TMEM200A: variants seen among roughly 807,000 people sequenced by gnomAD.
TMEM200A encodes two transmembrane C.
A neutral mutation model predicts 24.3 loss-of-function variants in TMEM200A; 12 were observed. That is an observed-to-expected ratio of 0.49 (90% CI 0.32 to 0.80). TMEM200A has a LOEUF of 0.80. Among genes scored for constraint, TMEM200A ranks in the 30% least tolerant of loss-of-function variants. The pLI, the probability that TMEM200A is intolerant of heterozygous loss-of-function variation, is 0.04. For missense variants in TMEM200A, 545 were observed against 614.4 expected, an observed-to-expected ratio of 0.89 and a Z score of 1.19; for synonymous variants, 224 against 224.4, an observed-to-expected ratio of 1.00 and a Z score of 0.02.
intron 1 of TMEM200A, among the ~76,000 whole-genome samples, chr6:130,374,486 G>T (rs1023165966): frequency 6.6e-6 from 1 of 151,586 alleles, no homozygotes; most frequent in Non-Finnish European, 1.5e-5. Context: ...CATGATCTGA[G>T]CTCACTGCAA....
chr6:130,422,860 G>A (rs1180582886), intron 2 of TMEM200A, among the ~76,000 whole-genome samples: 1 of 152,104 alleles, frequency 6.6e-6, no homozygotes, highest in East Asian at 1.9e-4. Context: ...CTGGTATCTT[G>A]CTAGTTAGCC....
intron 2 of TMEM200A, chr6:130,421,043 C>G (rs1174471715): frequency 6.6e-6 from 1 of 152,154 alleles, no homozygotes; most frequent in Non-Finnish European, 1.5e-5. Flanking sequence ...TAGAAAGTCC[C>G]CTCCCCTTCT....
intron 2 of TMEM200A, among the ~76,000 whole-genome samples, chr6:130,416,550 G>A (rs911747343): frequency 2.0e-5 from 3 of 152,070 alleles, no homozygotes; most frequent in African/African-American, 7.2e-5. Context: ...CCCACACCCA[G>A]TGTCAAGGTC....
intron 2 of TMEM200A, among the ~76,000 whole-genome samples, chr6:130,398,829 A>G (rs1260534989): frequency 6.6e-6 from 1 of 151,920 alleles, no homozygotes; most frequent in African/African-American, 2.4e-5. Context: ...TAATATTTTT[A>G]TAGTAAATTC....
At chr6:130,391,235 G>A (rs1562555001) in intron 2 of TMEM200A, among the ~76,000 whole-genome samples, 1 of 152,186 alleles carries the variant, frequency 6.6e-6, no homozygotes, top group East Asian at 1.9e-4. Context: ...AATACTTAAA[G>A]AAGTTATCAG....
intron 2 of TMEM200A, among the ~76,000 whole-genome samples, chr6:130,414,419 A>G (rs1779401167): frequency 1.4e-5 from 2 of 144,342 alleles, no homozygotes; most frequent in African/African-American, 5.5e-5. Context: ...GTGACAGAGC[A>G]AGACTCCATC....
At chr6:130,427,039 A>G (rs4895884) in intron 2 of TMEM200A, among the ~76,000 whole-genome samples, 26,619 of 152,094 alleles carry the variant, frequency 0.18, 2,493 homozygotes, top group East Asian at 0.35. Flanking sequence ...AGTTGCTCCA[A>G]TCCTGCATTT....
intron 2 of TMEM200A, among the ~76,000 whole-genome samples, chr6:130,402,053 A>G (rs1779101775): frequency 6.7e-6 from 1 of 150,228 alleles, no homozygotes; most frequent in South Asian, 2.1e-4. Flanking sequence ...AAAATTTTGT[A>G]TCTTCATAGC....
intron 2 of TMEM200A, chr6:130,421,498 TCA>T (rs974944988): frequency 1.6e-4 from 22 of 139,518 alleles, no homozygotes; most frequent in South Asian, 2.3e-4. Context: ...ATCCATTCCT[TCA>T]CAGTTACCTT....
chr6:130,373,578 T>C (rs931729940), intron 1 of TMEM200A, among the ~76,000 whole-genome samples: 1 of 152,220 alleles, frequency 6.6e-6, no homozygotes, highest in Non-Finnish European at 1.5e-5. Context: ...ACTATTCCCT[T>C]AAAATTGAAC....
chr6:130,421,728 ACT>A (rs1196578554), intron 2 of TMEM200A, among the ~76,000 whole-genome samples: 1 of 151,534 alleles, frequency 6.6e-6, no homozygotes. Flanking sequence ...CCACCATTCT[ACT>A]CTCTGCTTCT....
At chr6:130,417,825 T>C (rs1317236162) in intron 2 of TMEM200A, among the ~76,000 whole-genome samples, 1 of 152,174 alleles carries the variant, frequency 6.6e-6, no homozygotes, top group South Asian at 2.1e-4. Context: ...CTTGTCCTGG[T>C]TGATATTCAT....
intron 1 of TMEM200A, among the ~76,000 whole-genome samples, chr6:130,379,258 T>C (rs1438678756): frequency 2.0e-5 from 3 of 151,676 alleles, no homozygotes; most frequent in Non-Finnish European, 4.4e-5. Flanking sequence ...TGTGTTAAAT[T>C]GGAAAAAATT....
intron 2 of TMEM200A, among the ~76,000 whole-genome samples, chr6:130,422,846 A>ACC (rs1779633388): frequency 1.3e-5 from 2 of 152,168 alleles, no homozygotes; most frequent in African/African-American, 4.8e-5. Flanking sequence ...TTCTTATTAT[A>ACC]TTTCTGGTAT....
At chr6:130,402,003 C>T (rs941744680) in intron 2 of TMEM200A, among the ~76,000 whole-genome samples, 6 of 151,366 alleles carry the variant, frequency 4.0e-5, no homozygotes, top group African/African-American at 1.5e-4. Flanking sequence ...GCTGTTTGTG[C>T]CCTAATGTTG....
intron 2 of TMEM200A, among the ~76,000 whole-genome samples, chr6:130,411,829 G>A (rs1583208481): frequency 6.6e-6 from 1 of 152,142 alleles, no homozygotes; most frequent in South Asian, 2.1e-4. Flanking sequence ...GATTAGGCAT[G>A]CCTGCCACTG....
Position 130,441,364 on chromosome 6 carries a change from C to T in TMEM200A, c.942C>T (p.Asn314=). 1.2e-6 allele frequency: 2 copies of T among 1,614,070 alleles called. No individual in the cohort carries two copies. The highest frequency in any genetic ancestry group is 8.5e-7 in the Non-Finnish European group (1 of 1,180,002). The part of the protein sequence containing the change: ...SIDNITEDAD[N]LKSRSRNLSM... ...ATAACATCACTGAAGATGCTGACAA[C>T]CTCAAAAGTAGGTCAAGGAATTTGT... The change falls in exon 3 of 3, where the codon AAC becomes AAT. Residue 314 remains asparagine (N), a synonymous_variant. Coordinates refer to ENST00000296978, the MANE Select transcript of TMEM200A (RefSeq NM_001258277.2).
At position 130,366,425 on chromosome 6, in the gene TMEM200A, G is replaced by T. The variant is rs1778147847; in HGVS notation, c.-180G>T. ...CCCGACCCTGCCGCCTTCTTCGTCCGCCTCCAGAGGCGCCCGACGTCCCGA... is the reference window on the plus strand; with the variant it reads ...CCCGACCCTGCCGCCTTCTTCGTCCTCCTCCAGAGGCGCCCGACGTCCCGA... On this transcript the variant is annotated 5_prime_UTR_variant, in exon 1 of 3. Transcript: ENST00000296978. The surrounding 1 kb of genome is among the most constrained non-coding windows in gnomAD (Gnocchi z 4.4). 1 of 985,510 alleles carries T rather than the reference G, an allele frequency of 1.0e-6. No homozygotes were observed. The highest frequency in any genetic ancestry group is 1.2e-6 in the Non-Finnish European group (1 of 830,022). 61.0% of individuals were successfully genotyped at this position (985,510 alleles called of 1,614,324 possible).
rs1778136237 is a variant in TMEM200A, at chr6:130,366,131, G to A, written c.-474G>A. On this transcript the variant is annotated 5_prime_UTR_variant, in exon 1 of 3. Transcript: ENST00000296978. The surrounding 1 kb of genome is among the most constrained non-coding windows in gnomAD (Gnocchi z 4.4). ...CTCCCTCTCCCCTGCCCGGCTTGCT[G>A]CGCCCGGTGCCCTCCGAGGGCAGGC... is the stretch of plus-strand genomic sequence containing the variant. 1.0e-6 allele frequency: 1 copy of A among 985,268 alleles called. No homozygotes were observed. Among genetic ancestry groups the A allele is most frequent in the Admixed American group, 6.1e-5 (1 of 16,272 alleles). The allele number at this position is 985,268 out of a possible 1,614,324, so 61.0% of individuals were successfully genotyped here.
Sources: allele counts gnomAD v4.1 joint callset (sites outside exome capture counted in the v4.1 genomes callset), GRCh38; gene constraint gnomAD v4.1.1; non-coding constraint Gnocchi (gnomAD v3.1); transcripts MANE v1.5; gene names NCBI Gene and HGNC (gene_info 2026-07-23, HGNC 2026-07-21).